Variants in MYOF observed in about 807,000 individuals in gnomAD.
MYOF encodes fer-1-like 3, myoferlin.
In MYOF, 244 loss-of-function variants were observed where a neutral mutation model predicts 284.2. The ratio of observed to expected loss-of-function variants is 0.86; its 90% CI spans 0.77 to 0.95. MYOF has a LOEUF of 0.95. Among genes scored for constraint, MYOF ranks in the 40% least tolerant of loss-of-function variants. MYOF has a pLI of 0.00. For synonymous variants in MYOF, 904 were observed against 919.7 expected (o/e 0.98, Z 0.31); for missense variants, 2,496 against 2,560.6 (o/e 0.97, Z 0.54).
chr10:93,335,811 C>T, intron 41 of MYOF, 110 bp downstream of exon 41: 2 of 1,345,626 alleles, frequency 1.5e-6, no homozygotes, highest in Admixed American at 2.3e-5. Context: ...GCCAGCATCC[C>T]TCAGAGGCTG....
intron 5 of MYOF, among the ~76,000 whole-genome samples, chr10:93,415,116 G>A (rs148362546): frequency 4.6e-5 from 7 of 152,172 alleles, no homozygotes; most frequent in African/African-American, 1.4e-4. Context: ...CCAATCTAAT[G>A]AGCACACTGC....
At chr10:93,447,924 C>T (rs1027744041) in intron 3 of MYOF, among the ~76,000 whole-genome samples, 98 of 152,160 alleles carry the variant, frequency 6.4e-4, no homozygotes, top group African/African-American at 2.3e-3. Context: ...CCTCCAGTCT[C>T]TACACAGAAA....
At chr10:93,350,657 G>A (rs1334231593) in intron 35 of MYOF, among the ~76,000 whole-genome samples, 3 of 152,118 alleles carry the variant, frequency 2.0e-5, no homozygotes, top group South Asian at 2.1e-4. Context: ...GAAGCATTTC[G>A]AAGTGATAGC....
chr10:93,416,241 G>A (rs78679007), intron 5 of MYOF, among the ~76,000 whole-genome samples: 12 of 152,302 alleles, frequency 7.9e-5, no homozygotes, highest in Admixed American at 5.9e-4. Context: ...TCTCTCGGCC[G>A]GGCGTCGTGG....
At chr10:93,340,127 T>G in intron 39 of MYOF, 26 bp downstream of exon 39, 1 of 1,613,194 alleles carries the variant, frequency 6.2e-7, no homozygotes, top group Non-Finnish European at 8.5e-7. Flanking sequence ...GAATCTTAAA[T>G]GTAGCAAAAT....
At chr10:93,361,637 C>T (rs913705701) in intron 27 of MYOF, 80 bp from the exon 28 acceptor site, 10 of 1,285,038 alleles carry the variant, frequency 7.8e-6, no homozygotes, top group Non-Finnish European at 1.1e-5. Flanking sequence ...TATAGTTCCT[C>T]ATTTAACTAT....
rs1026158353 is a variant in MYOF at position 93,308,856 on chromosome 10, C to T, written c.6147+1164G>A. Among the ~76,000 whole-genome samples the T allele has an allele frequency of 2.0e-5, 3 of 151,974 alleles. No homozygotes were observed. The East Asian group carries it at 5.9e-4, about 30-fold the overall frequency. ...CATCCCTAGTAGCTGGGATTACAGG[C>T]ATGTGCCACCACACCCAACTAATTT... On this transcript the variant is annotated intron_variant, in intron 53 of 53. Transcript: ENST00000359263.
At chr10:93,461,448 C>T (rs1024364987) in intron 1 of MYOF, among the ~76,000 whole-genome samples, 2 of 149,882 alleles carry the variant, frequency 1.3e-5, no homozygotes, top group Non-Finnish European at 2.9e-5. Context: ...ACTTCAGTTG[C>T]TATCAGAGGG....
intron 45 of MYOF, among the ~76,000 whole-genome samples, chr10:93,327,218 A>G (rs1843088600): frequency 6.6e-6 from 1 of 152,002 alleles, no homozygotes; most frequent in African/African-American, 2.4e-5. Context: ...CCCAGCCGAG[A>G]GCCAACACAA....
At chr10:93,441,497 G>A (rs2056250672) in intron 3 of MYOF, among the ~76,000 whole-genome samples, 1 of 150,514 alleles carries the variant, frequency 6.6e-6, no homozygotes, top group Non-Finnish European at 1.5e-5. Flanking sequence ...CGATTCTCCT[G>A]CCTCAGTCTC....
chr10:93,335,516 T>C (rs1843556542), intron 41 of MYOF, among the ~76,000 whole-genome samples: 1 of 152,074 alleles, frequency 6.6e-6, no homozygotes, highest in Admixed American at 6.5e-5. Context: ...GCTGAAAGCA[T>C]GGTAGGGGCA....
chr10:93,455,464 T>G (rs1366795223), intron 2 of MYOF, among the ~76,000 whole-genome samples: 1 of 152,014 alleles, frequency 6.6e-6, no homozygotes, highest in East Asian at 1.9e-4. Context: ...GCTCAGGAGT[T>G]GAAGACCAGC....
At chr10:93,433,036 A>G (rs1848942801) in intron 3 of MYOF, among the ~76,000 whole-genome samples, 1 of 152,210 alleles carries the variant, frequency 6.6e-6, no homozygotes, top group Admixed American at 6.5e-5. Flanking sequence ...ATGAAACATG[A>G]ATGAGAGTAG....
Position 93,366,460 on chromosome 10 carries a change from CTT to C in MYOF, c.2683_2684del (p.Lys895GlufsTer19), listed in dbSNP as rs755535423. ...FSDVTGKIKL[K>X]REFFLPPKGW... ...CTTTTGGAGGCAGAAAAAATTCCCT[CTT>C]GAGTTTTATTTTTCCTGTGACATCA... is the stretch of plus-strand genomic sequence containing the variant. On this transcript the variant is annotated frameshift_variant, in exon 26 of 54. Coordinates refer to ENST00000359263, the MANE Select transcript of MYOF (RefSeq NM_013451.4). LOFTEE classifies it high-confidence loss of function. The C allele has an allele frequency of 2.0e-5, 33 of 1,613,852 alleles. No homozygotes were observed. The highest frequency in any genetic ancestry group is 1.2e-4 in the Admixed American group (7 of 59,980).
intron 3 of MYOF, among the ~76,000 whole-genome samples, chr10:93,441,985 G>A (rs2056276644): frequency 7.4e-6 from 1 of 134,506 alleles, no homozygotes; most frequent in South Asian, 2.4e-4. Flanking sequence ...TAGCACCCTG[G>A]CCCTCAACCT....
At chr10:93,390,242 T>C (rs1846610091) in intron 17 of MYOF, among the ~76,000 whole-genome samples, 1 of 152,212 alleles carries the variant, frequency 6.6e-6, no homozygotes, top group Non-Finnish European at 1.5e-5. Flanking sequence ...AGACATATAC[T>C]GCACAGTCAT....
Position 93,353,723 on chromosome 10 carries a change from GA to G in MYOF, c.3481+87del. 3 of 1,120,416 alleles carry G rather than the reference GA, an allele frequency of 2.7e-6. No individual in the cohort carries two copies. In the South Asian group the frequency reaches 4.6e-5, roughly 17 times the overall value. The allele number at this position is 1,120,416 out of a possible 1,614,324, so 69.4% of individuals were successfully genotyped here. A position where few individuals can be genotyped will look rare whatever the true frequency, so the allele number is the denominator to read the frequency against. On this transcript the variant is annotated intron_variant, in intron 32 of 53. Transcript: ENST00000359263. ...AACATGTAAAGGGTTTTTGTTGTTA[GA>G]AATGACAAAAAGCATTCACTCGAAA...
chr10:93,325,906 T>C lies in MYOF; in HGVS notation c.5191A>G (p.Ile1731Val). The change falls in exon 46 of 54, where the codon ATC becomes GTC. Residue 1731 changes from isoleucine to valine, a missense_variant. Coordinates refer to ENST00000359263, the MANE Select transcript of MYOF (RefSeq NM_013451.4). ...GGGACCAGCCCCTGAGTCCTGAGGA[T>C]GTGAAGAGCAAGCCGCTCTTCAGGG... ...GAPEERLALHILRTQGLVPEH... is the reference protein window; with the variant it reads ...GAPEERLALHVLRTQGLVPEH... 1 of 1,614,040 alleles carries C rather than the reference T, an allele frequency of 6.2e-7. No individual in the cohort carries two copies. The highest frequency in any genetic ancestry group is 8.5e-7 in the Non-Finnish European group (1 of 1,179,998).
At chr10:93,444,227 C>T (rs569956708) in intron 3 of MYOF, among the ~76,000 whole-genome samples, 294 of 152,314 alleles carry the variant, frequency 1.9e-3, no homozygotes, top group African/African-American at 7.0e-3. Flanking sequence ...CACGTAGGAG[C>T]ATCATAAACT....
Sources: gnomAD v4.1 joint callset for allele counts (sites outside exome capture counted in the v4.1 genomes callset) on GRCh38, gnomAD v4.1.1 for gene constraint, MANE v1.5 for transcripts, NCBI Gene and HGNC (gene_info 2026-07-23, HGNC 2026-07-21) for gene names.